PYGB: variants seen among roughly 807,000 people sequenced by gnomAD.
The protein encoded by PYGB is glycogen phosphorylase, brain form.
PYGB carries 82 observed loss-of-function variants against 94.3 expected under a neutral mutation model. The ratio of observed to expected loss-of-function variants is 0.87; its 90% CI spans 0.73 to 1.04. The LOEUF is 1.04. Among genes scored for constraint, PYGB ranks in the 50% least tolerant of loss-of-function variants. The pLI is 0.00. For missense variants in PYGB, 1,132 were observed against 1,158.2 expected (o/e 0.98, Z 0.33); for synonymous variants, 488 against 479.1 (o/e 1.02, Z -0.24).
chr20:25,275,283 G>A (rs564832670), intron 5 of PYGB, among the ~76,000 whole-genome samples: 3 of 152,378 alleles, frequency 2.0e-5, no homozygotes, highest in African/African-American at 7.2e-5. Flanking sequence ...TGGGGAATCA[G>A]GGCAAGAGCC....
chr20:25,263,045 T>C (rs894924962), intron 2 of PYGB, among the ~76,000 whole-genome samples: 1 of 152,076 alleles, frequency 6.6e-6, no homozygotes, highest in Non-Finnish European at 1.5e-5. Flanking sequence ...CTGTCAACAT[T>C]AGACAGATCA....
At position 25,259,246 on chromosome 20, in the gene PYGB, T is replaced by C. The variant is rs1486948538; in HGVS notation, c.253T>C (p.Tyr85His). 6.3e-7 allele frequency: 1 copy of C among 1,599,444 alleles called. No individual in the cohort carries two copies. Among genetic ancestry groups the C allele is most frequent in the African/African-American group, 1.3e-5 (1 of 74,728 alleles). ...TCTTCTGCTTCCTCAGCGCATTTATTATCTTTCCCTGGAATTCTACATGGG... is the reference window on the plus strand; with the variant it reads ...TCTTCTGCTTCCTCAGCGCATTTATCATCTTTCCCTGGAATTCTACATGGG... ...YYERDPKRIY[Y>H]LSLEFYMGRT... The change falls in exon 2 of 20, where the codon TAT becomes CAT. Residue 85 changes from tyrosine (Y) to histidine (H), a missense_variant. By Grantham distance (83) the Tyr-to-His change is moderately conservative. Transcript: ENST00000216962.
At chr20:25,280,467 C>A (rs1308637626) in intron 10 of PYGB, 55 bp downstream of exon 10, 1 of 1,584,052 alleles carries the variant, frequency 6.3e-7, no homozygotes. Context: ...ATGCCAACGG[C>A]CCCCCACCTG....
intron 10 of PYGB, 35 bp downstream of exon 10, chr20:25,280,447 G>T (rs201233980): frequency 7.5e-6 from 12 of 1,607,570 alleles, no homozygotes; most frequent in Middle Eastern, 1.7e-4. Context: ...GTAGGGTGGC[G>T]GCTACACCCA....
chr20:25,284,097 C>T lies in PYGB; in HGVS notation c.1621-7C>T, dbSNP rs1260482752. The T allele has an allele frequency of 6.2e-7, 1 of 1,613,142 alleles. No individual in the cohort carries two copies. The highest frequency in any genetic ancestry group is 8.5e-7 in the Non-Finnish European group (1 of 1,179,502). On this transcript the variant is annotated splice_region_variant and splice_polypyrimidine_tract_variant and intron_variant, in intron 13 of 19. Transcript: ENST00000216962. ...TCTCCAGCCATCTTTCCCTTTCACCCTCCCAGGAGAACAAGCTCAAGTTCT... is the reference window on the plus strand; with the variant it reads ...TCTCCAGCCATCTTTCCCTTTCACCTTCCCAGGAGAACAAGCTCAAGTTCT...
intron 13 of PYGB, 147 bp downstream of exon 13, chr20:25,283,424 A>G: frequency 1.5e-6 from 1 of 688,062 alleles, no homozygotes; most frequent in South Asian, 2.0e-5. Context: ...ACTGAGGGTG[A>G]GGCTGTTAGG....
chr20:25,294,323 G>A, intron 18 of PYGB, 31 bp downstream of exon 18: 1 of 1,337,938 alleles, frequency 7.5e-7, no homozygotes, highest in Non-Finnish European at 1.0e-6. Context: ...TGGGTGGCTG[G>A]GAGGGAGGGA....
intron 2 of PYGB, among the ~76,000 whole-genome samples, chr20:25,260,690 C>A (rs1342688319): frequency 6.6e-6 from 1 of 152,210 alleles, no homozygotes; most frequent in Non-Finnish European, 1.5e-5. Flanking sequence ...CATTGCCTCA[C>A]CCGGGAAGCA....
intron 14 of PYGB, chr20:25,288,185 G>T: frequency 3.0e-6 from 2 of 657,680 alleles, no homozygotes; most frequent in East Asian, 2.9e-5. Flanking sequence ...CCTCACCAGC[G>T]GGGAACCTAA....
chr20:25,284,356 T>A (rs2088398840), intron 14 of PYGB, 105 bp downstream of exon 14: 2 of 1,439,754 alleles, frequency 1.4e-6, no homozygotes, highest in Non-Finnish European at 1.9e-6. Flanking sequence ...GGGGGCTGTG[T>A]GTGTATAGGC....
At chr20:25,254,881 T>A (rs962746897) in intron 1 of PYGB, among the ~76,000 whole-genome samples, 1 of 152,228 alleles carries the variant, frequency 6.6e-6, no homozygotes, top group Non-Finnish European at 1.5e-5. Context: ...GGAATTTGTT[T>A]ACTACAGAAC....
At chr20:25,276,552 G>A (rs1040011883) in intron 5 of PYGB, 94 bp from the exon 6 acceptor site, 101 of 1,016,016 alleles carry the variant, frequency 9.9e-5, no homozygotes, top group Non-Finnish European at 1.4e-4. Context: ...CCAGCAGGGC[G>A]CCAGGTGCCC....
rs375575044 is a variant in PYGB, at chr20:25,268,157, A to ACCCC, written c.346-969_346-968insCCCC. 1.3e-3 allele frequency among the ~76,000 whole-genome samples: 37 copies of ACCCC among 28,326 alleles called. 1 individual carries two copies. The highest frequency in any genetic ancestry group is 4.1e-3 in the African/African-American group (26 of 6,344). 18.6% of individuals were successfully genotyped at this position (28,326 alleles called of 152,430 possible). On this transcript the variant is annotated intron_variant, in intron 2 of 19. Coordinates refer to ENST00000216962, the MANE Select transcript of PYGB (RefSeq NM_002862.4). ...AATGCATTATTGAGTAAATCCTAGC[A>ACCCC]CCCGCCCCCCCCCCATATCCAAAAT...
At chr20:25,293,590 G>A (rs990035056) in intron 17 of PYGB, among the ~76,000 whole-genome samples, 2 of 152,194 alleles carry the variant, frequency 1.3e-5, no homozygotes, top group Non-Finnish European at 2.9e-5. Flanking sequence ...GTGCCTTGCT[G>A]GCCCGAGCAC....
chr20:25,261,044 C>G (rs2092912339), intron 2 of PYGB, among the ~76,000 whole-genome samples: 1 of 152,246 alleles, frequency 6.6e-6, no homozygotes, highest in Admixed American at 6.5e-5. Context: ...TAGACTCCAC[C>G]TCTGGGGGCA....
chr20:25,274,041 G>A (rs2088289172), intron 4 of PYGB, among the ~76,000 whole-genome samples: 1 of 152,172 alleles, frequency 6.6e-6, no homozygotes, highest in African/African-American at 2.4e-5. Context: ...ATGTCTTCTA[G>A]TGATTCTTCT....
chr20:25,290,548 A>C lies in PYGB; in HGVS notation c.1895A>C (p.Asn632Thr). ...KLVTSIGDVV[N>T]HDPVVGDRLK... ...GTCACCTCCATCGGCGACGTCGTCA[A>C]TCATGACCCAGTTGTGGGTGACAGG... Residue 632 changes from asparagine to threonine, a missense_variant, in exon 16 of 20, where the codon AAT becomes ACT. Asn to Thr is a moderately conservative substitution (Grantham distance 65). Coordinates refer to ENST00000216962, the MANE Select transcript of PYGB (RefSeq NM_002862.4). 1 of 1,612,120 alleles carries C rather than the reference A, an allele frequency of 6.2e-7. No individual in the cohort carries two copies. Among genetic ancestry groups the C allele is most frequent in the Non-Finnish European group, 8.5e-7 (1 of 1,178,248 alleles).
intron 2 of PYGB, among the ~76,000 whole-genome samples, chr20:25,267,058 C>T (rs570799649): frequency 2.6e-5 from 4 of 152,270 alleles, no homozygotes; most frequent in South Asian, 4.2e-4. Flanking sequence ...CAGCATTATT[C>T]ATAACAGCCA....
At chr20:25,281,358 T>A (rs921643421) in intron 11 of PYGB, among the ~76,000 whole-genome samples, 2 of 152,218 alleles carry the variant, frequency 1.3e-5, no homozygotes, top group Non-Finnish European at 2.9e-5. Context: ...GGGAGACGGC[T>A]TTGTCTCCTG....
Sources: gnomAD v4.1 joint callset for allele counts (sites outside exome capture counted in the v4.1 genomes callset) on GRCh38, gnomAD v4.1.1 for gene constraint, MANE v1.5 for transcripts, NCBI Gene and HGNC (gene_info 2026-07-23, HGNC 2026-07-21) for gene names.